The following FAM184A variants were observed in gnomAD, a reference collection of about 807,000 sequenced individuals.
The protein encoded by FAM184A is protein FAM184A.
A neutral mutation model predicts 143.8 loss-of-function variants in FAM184A; 99 were observed. The ratio of observed to expected loss-of-function variants is 0.69; its 90% CI spans 0.58 to 0.81. FAM184A has a LOEUF of 0.81. Ranked by LOEUF, FAM184A falls within the 40% of genes least tolerant of loss-of-function variation. FAM184A has a pLI of 0.00. For synonymous variants in FAM184A, 427 were observed against 446.4 expected (o/e 0.96, Z 0.55); for missense variants, 1,217 against 1,310.5 (o/e 0.93, Z 1.10).
chr6:118,969,993 A>ATATAAAATATATATAT (rs1189865476), intron 14 of FAM184A, among the ~76,000 whole-genome samples: 2 of 24,370 alleles, frequency 8.2e-5, no homozygotes, highest in East Asian at 2.0e-3. Flanking sequence ...ATATATATAT[A>ATATAAAATATATATAT]ATATATATAT....
chr6:119,016,108 T>C (rs116624057), intron 5 of FAM184A, among the ~76,000 whole-genome samples: 176 of 152,336 alleles, frequency 1.2e-3, no homozygotes, highest in African/African-American at 4.0e-3. Context: ...TGTGAAACTC[T>C]GTAACTAACT....
In FAM184A at chr6:118,976,059, C is replaced by T. The variant is rs1388636958; in HGVS notation, c.2456-15G>A. 8 of 1,602,620 alleles carry T rather than the reference C, an allele frequency of 5.0e-6. No homozygotes were observed. In the East Asian group the frequency reaches 1.6e-4, roughly 32 times the overall value. ...GCGCAAGGAAGCTGGAATTGCAAGG[C>T]AAAAATACATTTGGCACATTTAAAA... On this transcript the variant is annotated splice_polypyrimidine_tract_variant and intron_variant, in intron 11 of 17. Transcript: ENST00000338891.
intron 10 of FAM184A, 24 bp downstream of exon 10, chr6:118,980,114 G>T: frequency 1.3e-6 from 2 of 1,596,142 alleles, no homozygotes; most frequent in East Asian, 2.2e-5. Flanking sequence ...GGTTACATTT[G>T]AACGTATGTC....
Position 118,960,064 on chromosome 6 carries a change from TAGTAAC to T in FAM184A, c.*33_*38del, listed in dbSNP as rs1212298910. 6.6e-7 allele frequency: 1 copy of T among 1,506,228 alleles called. No individual in the cohort carries two copies. Among genetic ancestry groups the T allele is most frequent in the African/African-American group, 1.4e-5 (1 of 72,318 alleles). The allele number at this position is 1,506,228 out of a possible 1,614,324, so 93.3% of individuals were successfully genotyped here. ...AACAATCTGTATAAAGTCATGCTCT[TAGTAAC>T]AGTCTATACAGAGCTGTGCCAACAC... is the stretch of plus-strand genomic sequence containing the variant. On this transcript the variant is annotated 3_prime_UTR_variant, in exon 18 of 18. Coordinates refer to ENST00000338891, the MANE Select transcript of FAM184A (RefSeq NM_024581.6).
chr6:119,100,357 T>C (rs1348578862), intron 1 of FAM184A, among the ~76,000 whole-genome samples: 1 of 152,090 alleles, frequency 6.6e-6, no homozygotes, highest in African/African-American at 2.4e-5. Flanking sequence ...TGAGACACAT[T>C]GTAAAGCACA....
At chr6:119,093,006 G>A (rs1034870375) in intron 1 of FAM184A, among the ~76,000 whole-genome samples, 2 of 152,094 alleles carry the variant, frequency 1.3e-5, no homozygotes, top group Non-Finnish European at 2.9e-5. Flanking sequence ...CATGAATTAT[G>A]TCCATCTGGC....
chr6:119,115,727 C>T (rs947195613), intron 1 of FAM184A, among the ~76,000 whole-genome samples: 9 of 151,660 alleles, frequency 5.9e-5, no homozygotes, highest in African/African-American at 2.2e-4. Flanking sequence ...CTTTGGGAGG[C>T]TGAGGCAGGT....
chr6:119,112,408 G>A (rs1788956802), intron 1 of FAM184A, among the ~76,000 whole-genome samples: 1 of 152,164 alleles, frequency 6.6e-6, no homozygotes, highest in Non-Finnish European at 1.5e-5. Context: ...GATTACAGGC[G>A]AGAGCCACCA....
At chr6:119,101,714 G>C (rs535916803) in intron 1 of FAM184A, among the ~76,000 whole-genome samples, 1 of 152,110 alleles carries the variant, frequency 6.6e-6, no homozygotes, top group South Asian at 2.1e-4. Flanking sequence ...GGTACAAGTG[G>C]GATACATAGT....
chr6:118,961,862 G>A lies in FAM184A; in HGVS notation c.3240C>T (p.Arg1080=). Residue 1080 remains arginine, a synonymous_variant, in exon 17 of 18, where the codon CGC becomes CGT. Coordinates refer to ENST00000338891, the MANE Select transcript of FAM184A (RefSeq NM_024581.6). ...CTGGAGAATTAGGAATGGGATCCAGGCGGTTAGGATGTCCATTGCCCACTC... is the reference window on the plus strand; with the variant it reads ...CTGGAGAATTAGGAATGGGATCCAGACGGTTAGGATGTCCATTGCCCACTC... ...SGGVGNGHPN[R]LDPIPNSPVH... The A allele has an allele frequency of 6.2e-7, 1 of 1,613,924 alleles. No homozygotes were observed. The highest frequency in any genetic ancestry group is 1.1e-5 in the South Asian group (1 of 91,084).
chr6:119,054,429 C>T (rs1487945685), intron 1 of FAM184A, among the ~76,000 whole-genome samples: 1 of 152,174 alleles, frequency 6.6e-6, no homozygotes, highest in Non-Finnish European at 1.5e-5. Flanking sequence ...GTGATGGTGC[C>T]TTCTATGTGT....
intron 5 of FAM184A, 112 bp from the exon 6 acceptor site, chr6:119,011,543 T>C (rs1472504504): frequency 3.0e-6 from 2 of 677,382 alleles, no homozygotes; most frequent in African/African-American, 3.8e-5. Flanking sequence ...CTCTTCAAAT[T>C]AGCCTTACCC....
At chr6:119,076,105 GA>G (rs1389194186) in intron 1 of FAM184A, among the ~76,000 whole-genome samples, 5 of 152,110 alleles carry the variant, frequency 3.3e-5, no homozygotes, top group Middle Eastern at 3.2e-3. Flanking sequence ...TTATTGTCAT[GA>G]CTGGGGGTGG....
intron 1 of FAM184A, among the ~76,000 whole-genome samples, chr6:119,056,770 T>C (rs1786993254): frequency 6.6e-6 from 1 of 152,184 alleles, no homozygotes; most frequent in African/African-American, 2.4e-5. Flanking sequence ...ACTAGACCGC[T>C]AACCTCCTTA....
rs116243714 is a variant in FAM184A at position 119,028,255 on chromosome 6, T to C, written c.160-3442A>G. Reference sequence around the variant, plus strand: ...TTGATGTGTGTTTTCACTGTGCCAGTTGAGCAGACTCCAGTTCTGTTCTTT... The same window carrying C: ...TTGATGTGTGTTTTCACTGTGCCAGCTGAGCAGACTCCAGTTCTGTTCTTT... On this transcript the variant is annotated intron_variant, in intron 1 of 17. Coordinates refer to ENST00000338891, the MANE Select transcript of FAM184A (RefSeq NM_024581.6). Among the ~76,000 whole-genome samples the C allele has an allele frequency of 6.0e-3, 915 of 152,300 alleles. 6 individuals carry two copies. The highest frequency in any genetic ancestry group is 0.021 in the African/African-American group (857 of 41,572).
chr6:118,991,164 T>C (rs1784366056), intron 9 of FAM184A, among the ~76,000 whole-genome samples: 1 of 141,356 alleles, frequency 7.1e-6, no homozygotes, highest in African/African-American at 2.6e-5. Context: ...TATTTTTTAA[T>C]TTTTTTTTTT....
In FAM184A at chr6:118,966,728, T is replaced by C. The variant is rs996821018; in HGVS notation, c.3033+107A>G. On this transcript the variant is annotated intron_variant, in intron 15 of 17. Coordinates refer to ENST00000338891, the MANE Select transcript of FAM184A (RefSeq NM_024581.6). ...ACTTTCAATCACAATGCACATGTTC[T>C]GTGTTTTCTATTTTCACTTAGCATT... 7 of 520,184 alleles carry C rather than the reference T, an allele frequency of 1.3e-5. No homozygotes were observed. In the Admixed American group the frequency reaches 2.5e-4, roughly 19 times the overall value. The allele number at this position is 520,184 out of a possible 1,614,324, so 32.2% of individuals were successfully genotyped here. A position where few individuals can be genotyped will look rare whatever the true frequency, so the allele number is the denominator to read the frequency against.
intron 1 of FAM184A, among the ~76,000 whole-genome samples, chr6:119,143,515 T>C (rs1772315798): frequency 6.6e-6 from 1 of 152,216 alleles, no homozygotes; most frequent in African/African-American, 2.4e-5. Context: ...TGTGCACTCG[T>C]GTACACAGCA....
At chr6:119,020,673 T>C (rs925004355) in intron 3 of FAM184A, among the ~76,000 whole-genome samples, 8 of 152,208 alleles carry the variant, frequency 5.3e-5, no homozygotes, top group Non-Finnish European at 1.2e-4. Flanking sequence ...TGAAATTGAA[T>C]TTGTTTCAGG....
Sources: allele counts gnomAD v4.1 joint callset (sites outside exome capture counted in the v4.1 genomes callset), GRCh38; gene constraint gnomAD v4.1.1; transcripts MANE v1.5; gene names NCBI Gene and HGNC (gene_info 2026-07-23, HGNC 2026-07-21).